ROBO2: variants seen among roughly 807,000 people sequenced by gnomAD.
ROBO2 encodes roundabout guidance receptor 2.
Under a neutral mutation model 160.8 loss-of-function variants are expected in ROBO2, and 53 were observed. That is an observed-to-expected ratio of 0.33 (90% CI 0.26 to 0.41). The LOEUF (loss-of-function observed/expected upper bound fraction) is 0.41. Ranked by LOEUF, ROBO2 falls within the 10% of genes least tolerant of loss-of-function variation. The probability of loss-of-function intolerance (pLI) is 1.00; values close to 1 mark genes in which losing one functional copy is unlikely to be tolerated. For missense variants in ROBO2, 1,577 were observed against 1,722.4 expected (o/e 0.92, Z 1.49); for synonymous variants, 664 against 611.7 (o/e 1.09, Z -1.26).
rs749900713 is a variant in ROBO2, at chr3:77,596,607, G to C, written c.2727-16G>C. On this transcript the variant is annotated splice_polypyrimidine_tract_variant and intron_variant, in intron 18 of 25. Coordinates refer to ENST00000461745, the Ensembl canonical transcript of ROBO2. ...TTGAGCTCCATGTGTTGATTTCCTT[G>C]TAATTTCTGTTTTAGCCGTCCAGGT... The C allele has an allele frequency of 3.4e-5, 55 of 1,613,546 alleles. No individual in the cohort carries two copies. Among genetic ancestry groups the C allele is most frequent in the Non-Finnish European group, 4.7e-5 (55 of 1,179,694 alleles).
intron 2 of ROBO2, among the ~76,000 whole-genome samples, chr3:76,377,684 C>T (rs1216986968): frequency 6.6e-6 from 1 of 152,136 alleles, no homozygotes; most frequent in Non-Finnish European, 1.5e-5. Flanking sequence ...GTTTACTGTC[C>T]TCTTGGCTAA....
intron 2 of ROBO2, among the ~76,000 whole-genome samples, chr3:76,210,094 T>C (rs1703050546): frequency 6.6e-6 from 1 of 152,118 alleles, no homozygotes; most frequent in Non-Finnish European, 1.5e-5. Context: ...AAACTGCAGA[T>C]ATTTGCATGT....
chr3:76,136,512 A>G (rs1577007827), intron 2 of ROBO2, among the ~76,000 whole-genome samples: 1 of 152,106 alleles, frequency 6.6e-6, no homozygotes, highest in Non-Finnish European at 1.5e-5. Flanking sequence ...GAAGTGTGAT[A>G]AGGAAAGAGA....
At chr3:77,410,840 T>C (rs2076743028) in intron 2 of ROBO2, among the ~76,000 whole-genome samples, 1 of 149,162 alleles carries the variant, frequency 6.7e-6, no homozygotes, top group Non-Finnish European at 1.5e-5. Flanking sequence ...TGTCACTCTG[T>C]CATCCCAGGC....
chr3:76,143,241 G>T (rs2106780427), intron 2 of ROBO2, among the ~76,000 whole-genome samples: 2 of 152,042 alleles, frequency 1.3e-5, no homozygotes, highest in South Asian at 2.1e-4. Context: ...AGGTTGCCCA[G>T]GCTGGTCATG....
chr3:76,348,916 G>T (rs1429979399), intron 2 of ROBO2, among the ~76,000 whole-genome samples: 1 of 152,246 alleles, frequency 6.6e-6, no homozygotes, highest in East Asian at 1.9e-4. Context: ...GGAGTGGAAA[G>T]GGGAATTTAT....
chr3:76,218,012 G>A lies in ROBO2; in HGVS notation c.109+280410G>A, dbSNP rs542263450. On this transcript the variant is annotated intron_variant, in intron 2 of 26. Transcript: ENST00000487694. The stretch of plus-strand genomic sequence containing the variant: ...GGGATGCAAGGCTGGTTCAACATAC[G>A]CAAATCAATAAATGTAATCCAGCAT... Among the ~76,000 whole-genome samples the A allele has an allele frequency of 9.7e-4, 148 of 152,130 alleles. 1 individual carries two copies. The highest frequency in any genetic ancestry group is 2.8e-3 in the African/African-American group (115 of 41,516).
intron 5 of ROBO2, among the ~76,000 whole-genome samples, chr3:77,511,759 G>A (rs568292416): frequency 6.6e-6 from 1 of 152,036 alleles, no homozygotes; most frequent in South Asian, 2.1e-4. Flanking sequence ...CATATTTCAA[G>A]TTTCATTTTG....
intron 2 of ROBO2, among the ~76,000 whole-genome samples, chr3:77,423,534 A>T (rs2077905855): frequency 6.6e-6 from 1 of 152,134 alleles, no homozygotes; most frequent in Non-Finnish European, 1.5e-5. Context: ...ATAATATTTT[A>T]TTCTTCCTCA....
chr3:77,083,490 A>G (rs1559970203), intron 1 of ROBO2, among the ~76,000 whole-genome samples: 1 of 152,136 alleles, frequency 6.6e-6, no homozygotes, highest in Non-Finnish European at 1.5e-5. Context: ...AACTGTTCCA[A>G]AATCCGTTTG....
chr3:76,553,276 A>C (rs2083521472), intron 2 of ROBO2, among the ~76,000 whole-genome samples: 1 of 152,192 alleles, frequency 6.6e-6, no homozygotes, highest in Non-Finnish European at 1.5e-5. Context: ...GAAGACAAGG[A>C]AGGAGCAGAC....
chr3:77,090,427 C>T (rs2150014156), intron 1 of ROBO2, among the ~76,000 whole-genome samples: 1 of 137,638 alleles, frequency 7.3e-6, no homozygotes, highest in Non-Finnish European at 1.5e-5. Context: ...GATCTCGGCT[C>T]ATTGCAAGCT....
chr3:77,382,177 A>G (rs532025112), intron 2 of ROBO2, among the ~76,000 whole-genome samples: 1 of 152,162 alleles, frequency 6.6e-6, no homozygotes, highest in African/African-American at 2.4e-5. Context: ...CCATTGAGTA[A>G]AATGTTCTGC....
chr3:76,121,997 G>C (rs1455255203), intron 2 of ROBO2, among the ~76,000 whole-genome samples: 1 of 152,144 alleles, frequency 6.6e-6, no homozygotes, highest in Non-Finnish European at 1.5e-5. Flanking sequence ...CATGATACTT[G>C]TATTTACCCC....
chr3:77,126,570 A>C (rs1252264340), intron 2 of ROBO2, among the ~76,000 whole-genome samples: 1 of 152,098 alleles, frequency 6.6e-6, no homozygotes, highest in African/African-American at 2.4e-5. Context: ...GTTCATGATA[A>C]ATTATTCCAC....
chr3:76,729,897 C>T (rs556230569), intron 2 of ROBO2, among the ~76,000 whole-genome samples: 2 of 152,238 alleles, frequency 1.3e-5, no homozygotes, highest in East Asian at 3.9e-4. Flanking sequence ...CTCAGCTTCC[C>T]AAAGTGTAGG....
intron 2 of ROBO2, among the ~76,000 whole-genome samples, chr3:77,359,059 T>C (rs536454347): frequency 3.3e-4 from 51 of 152,252 alleles, no homozygotes; most frequent in Non-Finnish European, 6.5e-4. Context: ...TGATTAGCTC[T>C]CTTTCTCACC....
upstream of ROBO2, among the ~76,000 whole-genome samples, chr3:77,039,198 C>A (rs1373719142): frequency 1.3e-5 from 2 of 152,116 alleles, no homozygotes; most frequent in Non-Finnish European, 2.9e-5. Context: ...CCTTTTTCTC[C>A]CCCTTGTGCT....
intron 2 of ROBO2, among the ~76,000 whole-genome samples, chr3:76,854,826 T>A (rs1048156742): frequency 2.4e-4 from 37 of 152,024 alleles, no homozygotes; most frequent in Non-Finnish European, 4.9e-4. Context: ...GAGAAAAAAA[T>A]TTTCTTCACC....
Sources: gnomAD v4.1 joint callset for allele counts (sites outside exome capture counted in the v4.1 genomes callset) on GRCh38, gnomAD v4.1.1 for gene constraint, MANE v1.5 for transcripts, NCBI Gene and HGNC (gene_info 2026-07-23, HGNC 2026-07-21) for gene names.